PLEKHA5: variants seen among roughly 807,000 people sequenced by gnomAD.
The protein encoded by PLEKHA5 is pleckstrin homology domain-containing family A member 5.
A neutral mutation model predicts 181.9 loss-of-function variants in PLEKHA5; 55 were observed. The observed-to-expected ratio is 0.30, with a 90% CI of 0.24 to 0.38. The LOEUF (loss-of-function observed/expected upper bound fraction) is 0.38, where lower values mean the gene tolerates loss of function less well. Among genes scored for constraint, PLEKHA5 ranks in the 10% least tolerant of loss-of-function variants. The probability of loss-of-function intolerance (pLI) is 1.00; values close to 1 mark genes in which losing one functional copy is unlikely to be tolerated. For synonymous variants in PLEKHA5, 535 were observed against 529.4 expected, an observed-to-expected ratio of 1.01 and a Z score of -0.15; for missense variants, 1,432 against 1,549.5, an observed-to-expected ratio of 0.92 and a Z score of 1.27.
chr12:19,349,425 T>C (rs2094484397), intron 25 of PLEKHA5, among the ~76,000 whole-genome samples: 1 of 152,168 alleles, frequency 6.6e-6, no homozygotes, highest in African/African-American at 2.4e-5. Flanking sequence ...CAGGGTCTTT[T>C]CTGTGTGTGT....
At position 19,254,030 on chromosome 12, in the gene PLEKHA5, A is replaced by G. The variant is rs1329601303; in HGVS notation, c.311+7A>G. On this transcript the variant is annotated splice_region_variant and intron_variant, in intron 4 of 31. Coordinates refer to ENST00000429027, the MANE Select transcript of PLEKHA5 (RefSeq NM_001256470.2). ...TTTTTGTAGTGAATGAACAGTAAGT[A>G]AAGAGTTTCATGGAATGCCTGTATT... 33 of 1,529,268 alleles carry G rather than the reference A, an allele frequency of 2.2e-5. No individual in the cohort carries two copies. The highest frequency in any genetic ancestry group is 2.9e-5 in the Non-Finnish European group (32 of 1,112,820). 94.7% of individuals were successfully genotyped at this position (1,529,268 alleles called of 1,614,324 possible). A position where few individuals can be genotyped will look rare whatever the true frequency, so the allele number is the denominator to read the frequency against.
At position 19,280,440 on chromosome 12, in the gene PLEKHA5, C is replaced by T. The variant is rs530138242; in HGVS notation, c.1314-2840C>T. On this transcript the variant is annotated intron_variant, in intron 11 of 31. Transcript: ENST00000429027. The stretch of plus-strand genomic sequence containing the variant: ...TATCCAGATTATCAGCGAAGGATTC[C>T]CAGATTATTAAGAGTATGGTCAAAT... Among the ~76,000 whole-genome samples, 68 of 152,166 alleles carry T rather than the reference C, an allele frequency of 4.5e-4. 1 individual carries two copies. The South Asian group carries it at 0.014, about 31-fold the overall frequency.
chr12:19,146,538 A>G (rs2038968816), intron 3 of PLEKHA5, among the ~76,000 whole-genome samples: 1 of 152,208 alleles, frequency 6.6e-6, no homozygotes, highest in Non-Finnish European at 1.5e-5. Flanking sequence ...ACATGTATTT[A>G]TTTAAAAAGT....
chr12:19,287,664 A>C (rs1190057579), intron 13 of PLEKHA5, 108 bp downstream of exon 13: 1 of 681,416 alleles, frequency 1.5e-6, no homozygotes, highest in Non-Finnish European at 2.6e-6. Context: ...TCTCCCAAAG[A>C]AAAAACATTA....
intron 11 of PLEKHA5, among the ~76,000 whole-genome samples, chr12:19,275,412 A>G (rs2074219143): frequency 6.6e-6 from 1 of 152,190 alleles, no homozygotes; most frequent in Non-Finnish European, 1.5e-5. Flanking sequence ...GCAAAGGCCT[A>G]CTGCTCTCTA....
At position 19,269,871 on chromosome 12, in the gene PLEKHA5, A is replaced by T; in HGVS notation, c.813A>T (p.Thr271=). 1 of 1,563,568 alleles carries T rather than the reference A, an allele frequency of 6.4e-7. No homozygotes were observed. Among genetic ancestry groups the T allele is most frequent in the Non-Finnish European group, 8.8e-7 (1 of 1,134,712 alleles). ...KAMLDAALVQ[T]EPVKRITFNF... ...TGTTAGATGCTGCCCTAGTACAGAC[A>T]GAACCTGTGAAAAGGTAAAGGCTTG... is the stretch of plus-strand genomic sequence containing the variant. The change falls in exon 9 of 32, where the codon ACA becomes ACT. Residue 271 remains threonine (T), a synonymous_variant. Transcript: ENST00000429027.
intron 28 of PLEKHA5, among the ~76,000 whole-genome samples, chr12:19,361,245 C>T (rs117588130): frequency 0.032 from 4,853 of 152,126 alleles, 89 homozygotes; most frequent in Non-Finnish European, 0.048. Context: ...GTGCAGTCCG[C>T]GATCTCCGCT....
chr12:19,269,217 G>A (rs549555424), intron 8 of PLEKHA5, among the ~76,000 whole-genome samples: 6 of 151,906 alleles, frequency 3.9e-5, no homozygotes, highest in African/African-American at 1.4e-4. Context: ...GCAAAACCCC[G>A]TCTCTACTAA....
intron 21 of PLEKHA5, among the ~76,000 whole-genome samples, chr12:19,339,335 C>G (rs1267430013): frequency 4.6e-5 from 7 of 152,142 alleles, no homozygotes; most frequent in Non-Finnish European, 8.8e-5. Flanking sequence ...GCCACCGTGC[C>G]CGGCTATAAC....
intron 29 of PLEKHA5, 126 bp downstream of exon 29, chr12:19,361,832 G>A: frequency 3.8e-6 from 3 of 794,368 alleles, no homozygotes; most frequent in Non-Finnish European, 4.2e-6. Flanking sequence ...ATAGAATCTT[G>A]AGCAAGTTAT....
At chr12:19,334,331 A>T (rs527755859) in intron 20 of PLEKHA5, among the ~76,000 whole-genome samples, 1 of 152,310 alleles carries the variant, frequency 6.6e-6, no homozygotes, top group Admixed American at 6.5e-5. Flanking sequence ...TTGAAAGTAT[A>T]CTGTGCCTCT....
intron 3 of PLEKHA5, among the ~76,000 whole-genome samples, chr12:19,139,420 C>A (rs1438534468): frequency 6.6e-6 from 1 of 152,096 alleles, no homozygotes; most frequent in East Asian, 1.9e-4. Context: ...CAAACACAAC[C>A]CACTCCCCTA....
At position 19,130,560 on chromosome 12, in the gene PLEKHA5, A is replaced by G. The variant is rs2033353012; in HGVS notation, c.169+430A>G. 6.6e-6 allele frequency: 1 copy of G among 152,246 alleles called. No individual in the cohort carries two copies. Among genetic ancestry groups the G allele is most frequent in the Admixed American group, 6.6e-5 (1 of 15,250 alleles). 9.4% of individuals were successfully genotyped at this position (152,246 alleles called of 1,614,324 possible). A position where few individuals can be genotyped will look rare whatever the true frequency, so the allele number is the denominator to read the frequency against. ...AGTCCTTACCCACTCCCCTCCCTGC[A>G]GCCCCGGACCCCGATCGCCCGCCGG... On this transcript the variant is annotated intron_variant, in intron 2 of 31. Transcript: ENST00000429027. This position sits in a 1 kb window ranked among gnomAD's most constrained non-coding sequence, Gnocchi z 4.5.
Position 19,338,031 on chromosome 12 carries a change from C to CAA in PLEKHA5, c.2550+1431_2550+1432dup, listed in dbSNP as rs35715796. Among the ~76,000 whole-genome samples the CAA allele has an allele frequency of 4.6e-3, 398 of 86,824 alleles. 1 individual carries two copies. The highest frequency in any genetic ancestry group is 7.1e-3 in the Non-Finnish European group (289 of 40,492). The allele number at this position is 86,824 out of a possible 152,430, so 57.0% of individuals were successfully genotyped here. Reference sequence around the variant, plus strand: ...GGGCAACAAGGGCGAAGCTCCATCTCAAAAAAAAAAAAAAAAAGATTAGTA... The same window carrying CAA: ...GGGCAACAAGGGCGAAGCTCCATCTCAAAAAAAAAAAAAAAAAAAGATTAGTA... On this transcript the variant is annotated intron_variant, in intron 21 of 31. Coordinates refer to ENST00000429027, the MANE Select transcript of PLEKHA5 (RefSeq NM_001256470.2).
intron 3 of PLEKHA5, among the ~76,000 whole-genome samples, chr12:19,217,914 A>T (rs1754586036): frequency 6.6e-6 from 1 of 152,192 alleles, no homozygotes; most frequent in Admixed American, 6.5e-5. Flanking sequence ...GATTACATTA[A>T]GTTATCTATT....
intron 3 of PLEKHA5, among the ~76,000 whole-genome samples, chr12:19,178,590 G>A (rs376068010): frequency 1.3e-5 from 2 of 152,256 alleles, no homozygotes; most frequent in East Asian, 3.9e-4. Flanking sequence ...ATAATACTCC[G>A]TAGCTTTTGA....
At chr12:19,353,776 A>G (rs2094745721) in intron 25 of PLEKHA5, 108 bp from the exon 26 acceptor site, 3 of 694,774 alleles carry the variant, frequency 4.3e-6, no homozygotes, top group Non-Finnish European at 7.8e-6. Context: ...CTCTTTTTAA[A>G]TAAATTTGCT....
intron 3 of PLEKHA5, among the ~76,000 whole-genome samples, chr12:19,234,819 A>G (rs750186949): frequency 2.0e-5 from 3 of 152,206 alleles, no homozygotes; most frequent in Non-Finnish European, 4.4e-5. Flanking sequence ...TTATTATATA[A>G]TAGAAGATCA....
chr12:19,245,978 T>A (rs2063641623), intron 3 of PLEKHA5, among the ~76,000 whole-genome samples: 1 of 151,258 alleles, frequency 6.6e-6, no homozygotes, highest in Non-Finnish European at 1.5e-5. Flanking sequence ...TTACTGCCTT[T>A]TTTTTTTTTT....
Sources: allele counts gnomAD v4.1 joint callset (sites outside exome capture counted in the v4.1 genomes callset), GRCh38; gene constraint gnomAD v4.1.1; non-coding constraint Gnocchi (gnomAD v3.1); transcripts MANE v1.5; gene names NCBI Gene and HGNC (gene_info 2026-07-23, HGNC 2026-07-21).